The following IPO5 variants were observed in gnomAD, a reference collection of about 807,000 sequenced individuals.
IPO5 encodes importin 5.
IPO5 carries 18 observed loss-of-function variants against 143.3 expected under a neutral mutation model. That is an observed-to-expected ratio of 0.13 (90% confidence interval 0.09 to 0.19). The LOEUF (loss-of-function observed/expected upper bound fraction) is 0.19, where lower values mean the gene tolerates loss of function less well. IPO5 is among the 10% of genes least tolerant of loss of function. The pLI is 1.00. For missense variants in IPO5, 1,013 were observed against 1,336.9 expected, an observed-to-expected ratio of 0.76 and a Z score of 3.78; for synonymous variants, 477 against 465.7, an observed-to-expected ratio of 1.02 and a Z score of -0.31.
chr13:97,970,596 G>A (rs759729420), intron 3 of IPO5, among the ~76,000 whole-genome samples: 8 of 152,128 alleles, frequency 5.3e-5, no homozygotes, highest in Non-Finnish European at 1.2e-4. Context: ...ACTCCAGCCT[G>A]GGCGACAGAG....
Position 97,986,282 on chromosome 13 carries a change from C to T in IPO5, c.364+669C>T, listed in dbSNP as rs575522223. On this transcript the variant is annotated intron_variant, in intron 6 of 28. Transcript: ENST00000651721. ...CCAGTTGAACTAAAAATCAGAGACT[C>T]CAGTGCTTTTGCTGTTGTATATGTG... Among the ~76,000 whole-genome samples the T allele has an allele frequency of 2.6e-5, 4 of 152,204 alleles. No individual in the cohort carries two copies. In the South Asian group the frequency reaches 8.3e-4, roughly 32 times the overall value.
chr13:98,010,004 C>T lies in IPO5; in HGVS notation c.1924C>T (p.Leu642Phe). The change falls in exon 19 of 29, where the codon CTT (leucine) becomes TTT (phenylalanine). Residue 642 changes from leucine (L) to phenylalanine (F), a missense_variant. Physicochemically the swap from Leu to Phe is conservative, Grantham distance 22. Transcript: ENST00000651721. ...GGCTTCAATTAAGCCCGAAGTAGCC[C>T]TTTTAGATAGTAGGTGTCTTTAGAA... is the stretch of plus-strand genomic sequence containing the variant. ...KTASIKPEVA[L>F]LDTQDMENMS... 1.2e-6 allele frequency: 2 copies of T among 1,614,044 alleles called. No individual in the cohort carries two copies. Among genetic ancestry groups the T allele is most frequent in the South Asian group, 2.2e-5 (2 of 91,076 alleles).
intron 11 of IPO5, among the ~76,000 whole-genome samples, chr13:97,995,214 G>T (rs1448528565): frequency 4.0e-5 from 6 of 148,864 alleles, no homozygotes; most frequent in African/African-American, 1.5e-4. Flanking sequence ...TAGGTTTATG[G>T]GGAACAGGTG....
chr13:98,015,804 T>TA (rs1890085491), intron 24 of IPO5, 23 bp downstream of exon 24: 1 of 1,524,112 alleles, frequency 6.6e-7, no homozygotes. Context: ...CTTTGGAACT[T>TA]ACTTACGTGA....
intron 11 of IPO5, among the ~76,000 whole-genome samples, chr13:97,994,352 A>C (rs947331985): frequency 2.6e-5 from 4 of 152,196 alleles, no homozygotes; most frequent in African/African-American, 9.7e-5. Flanking sequence ...TTTGTAGGCT[A>C]TGTGGTTATT....
chr13:98,000,009 G>T (rs551789403), intron 12 of IPO5, among the ~76,000 whole-genome samples: 1 of 152,172 alleles, frequency 6.6e-6, no homozygotes, highest in Non-Finnish European at 1.5e-5. Flanking sequence ...TTCAGGCTGG[G>T]CACAGTGGCT....
intron 10 of IPO5, 35 bp from the exon 11 acceptor site, chr13:97,993,070 A>T: frequency 6.2e-7 from 1 of 1,612,294 alleles, no homozygotes. Context: ...ACTAATCTAA[A>T]TTATTAAATG....
intron 4 of IPO5, among the ~76,000 whole-genome samples, chr13:97,978,353 C>T (rs1237435018): frequency 6.6e-6 from 1 of 152,138 alleles, no homozygotes; most frequent in Non-Finnish European, 1.5e-5. Context: ...GATTATACAT[C>T]ATATGGATAG....
rs1293802651 is a variant in IPO5 at position 98,002,522 on chromosome 13, G to A, written c.1164G>A (p.Gly388=). The change falls in exon 14 of 29, where the codon GGG becomes GGA. Residue 388 remains glycine, a synonymous_variant. Coordinates refer to ENST00000651721, the MANE Select transcript of IPO5 (RefSeq NM_002271.6). ...TGGCCTTATCTGCCATTGGTGAAGG[G>A]TGCCACCAGCAAATGGAAGGAATTC... is the stretch of plus-strand genomic sequence containing the variant. ...GLMALSAIGE[G]CHQQMEGILN... The A allele has an allele frequency of 5.0e-6, 8 of 1,613,968 alleles. No individual in the cohort carries two copies. The East Asian group carries it at 1.8e-4, about 36-fold the overall frequency.
intron 6 of IPO5, among the ~76,000 whole-genome samples, chr13:97,986,386 G>A (rs1045397404): frequency 6.7e-5 from 10 of 150,322 alleles, no homozygotes; most frequent in Non-Finnish European, 1.3e-4. Context: ...ACGGAGTTTC[G>A]CTCTTATTGC....
intron 3 of IPO5, 43 bp from the exon 4 acceptor site, chr13:97,976,650 T>A: frequency 1.1e-6 from 1 of 938,362 alleles, no homozygotes; most frequent in East Asian, 8.3e-5. Flanking sequence ...CGAGCGCGCC[T>A]CACGGCTCCT....
chr13:97,975,948 G>A (rs931259756), intron 3 of IPO5: 3 of 985,838 alleles, frequency 3.0e-6, no homozygotes, highest in Non-Finnish European at 3.6e-6. Flanking sequence ...TGAGTCCACA[G>A]CCCTGGGGGA....
intron 8 of IPO5, 38 bp from the exon 9 acceptor site, chr13:97,990,395 A>G: frequency 6.8e-7 from 1 of 1,469,106 alleles, no homozygotes; most frequent in South Asian, 1.2e-5. Flanking sequence ...GTTTATCAAA[A>G]ATTTCTCATG....
At chr13:97,976,655 G>GCTCCTGTCTCCCCTCCCTC in intron 3 of IPO5, 38 bp from the exon 4 acceptor site, 1 of 1,080,272 alleles carries the variant, frequency 9.3e-7, no homozygotes, top group Non-Finnish European at 1.2e-6. Context: ...GCGCCTCACG[G>GCTCCTGTCTCCCCTCCCTC]CTCCTGTCTC....
At chr13:98,004,791 ACT>A (rs1269725414) in intron 16 of IPO5, among the ~76,000 whole-genome samples, 2 of 151,982 alleles carry the variant, frequency 1.3e-5, no homozygotes, top group African/African-American at 2.4e-5. Context: ...AAGTTAAAGA[ACT>A]CTGCTGAGAG....
Position 98,016,708 on chromosome 13 carries a change from TTA to T in IPO5, c.2494-19_2494-18del. On this transcript the variant is annotated intron_variant, in intron 24 of 28. Transcript: ENST00000651721. Reference sequence around the variant, plus strand: ...TATACTTTTTAATCCATATGAGTGTTTATGTGTATGTTTTTTTTAGGATGATA... The same window carrying T: ...TATACTTTTTAATCCATATGAGTGTTTGTGTATGTTTTTTTTAGGATGATA... 3.1e-6 allele frequency: 4 copies of T among 1,299,614 alleles called. No individual in the cohort carries two copies. Among genetic ancestry groups the T allele is most frequent in the Non-Finnish European group, 4.2e-6 (4 of 949,652 alleles). The allele number at this position is 1,299,614 out of a possible 1,614,324, so 80.5% of individuals were successfully genotyped here. A position where few individuals can be genotyped will look rare whatever the true frequency, so the allele number is the denominator to read the frequency against.
Position 97,985,595 on chromosome 13 carries a change from C to G in IPO5, c.346C>G (p.Leu116Val). ...AAAAGTTTGTGATATTGCGGCAGAA[C>G]TGGCCAGGAATTTAATAGGTGTGTA... is the stretch of plus-strand genomic sequence containing the variant. Reference protein sequence around the residue: ...RKKVCDIAAELARNLIDEDGN... With the variant: ...RKKVCDIAAEVARNLIDEDGN... Residue 116 changes from leucine to valine, a missense_variant, in exon 6 of 29, where the codon CTG becomes GTG. Leu to Val is a conservative substitution (Grantham distance 32). Around this residue, in one of 2 missense-constraint regions of IPO5, gnomAD observed 328 missense variants for 342.0 expected, o/e 0.96. Coordinates refer to ENST00000651721, the MANE Select transcript of IPO5 (RefSeq NM_002271.6). 6.2e-7 allele frequency: 1 copy of G among 1,612,162 alleles called. No individual in the cohort carries two copies. The highest frequency in any genetic ancestry group is 8.5e-7 in the Non-Finnish European group (1 of 1,179,670).
At chr13:97,954,871 T>C (rs1321011121) in intron 2 of IPO5, among the ~76,000 whole-genome samples, 1 of 152,180 alleles carries the variant, frequency 6.6e-6, no homozygotes, top group Non-Finnish European at 1.5e-5. Context: ...CAGATTTGTG[T>C]TGGAACATTG....
chr13:97,982,582 A>T lies in IPO5; in HGVS notation c.170A>T (p.Glu57Val). Residue 57 changes from glutamate (E) to valine (V), a missense_variant and splice_region_variant, in exon 5 of 29, where the codon GAG becomes GTG. Glu to Val is a moderately radical substitution (Grantham distance 121). Coordinates refer to ENST00000651721, the MANE Select transcript of IPO5 (RefSeq NM_002271.6). ...QAIRNTTAAE[E>V]ARQMAAVLLR... ...ATCAGAAATACAACAGCTGCTGAAG[A>T]GGTACTACCTTAATATTTGTGACTA... 1 of 1,569,166 alleles carries T rather than the reference A, an allele frequency of 6.4e-7. No individual in the cohort carries two copies. The highest frequency in any genetic ancestry group is 8.8e-7 in the Non-Finnish European group (1 of 1,139,218).
Sources: gnomAD v4.1 joint callset for allele counts (sites outside exome capture counted in the v4.1 genomes callset) on GRCh38, gnomAD v4.1.1 for gene constraint, gnomAD v4.1.1 regional missense constraint, MANE v1.5 for transcripts, NCBI Gene and HGNC (gene_info 2026-07-23, HGNC 2026-07-21) for gene names.